STK35: variants seen among roughly 807,000 people sequenced by gnomAD.
STK35 encodes the protein serine/threonine kinase 35, also known as serine/threonine-protein kinase 35.
In STK35, 17 loss-of-function variants were observed where a neutral mutation model predicts 37.3. That is an observed-to-expected ratio of 0.46 (90% CI 0.31 to 0.68). The LOEUF (loss-of-function observed/expected upper bound fraction) is 0.68, where lower values mean the gene tolerates loss of function less well. STK35 is among the 30% of genes least tolerant of loss of function. The probability of loss-of-function intolerance (pLI) is 0.05; values close to 1 mark genes in which losing one functional copy is unlikely to be tolerated. For synonymous variants in STK35, 385 were observed against 319.1 expected (o/e 1.21, Z -2.20); for missense variants, 595 against 746.7 (o/e 0.80, Z 2.37).
At chr20:2,140,673 T>A (rs1386912002) in intron 3 of STK35, among the ~76,000 whole-genome samples, 1 of 152,228 alleles carries the variant, frequency 6.6e-6, no homozygotes, top group Admixed American at 6.5e-5. Context: ...TAGGCTGTTC[T>A]GAGGCTTCCA....
Position 2,103,019 on chromosome 20 carries a change from C to T in STK35, c.546C>T (p.Gly182=). ...ATCCGGTGGCGGCCGAGGCCCCGGG[C>T]GAGGCCTTCCTGGCGCGGCGACGGC... ...AMDPVAAEAP[G]EAFLARRRPE... Residue 182 remains glycine, a synonymous_variant, in exon 2 of 4, where the codon GGC becomes GGT. Coordinates refer to ENST00000381482, the MANE Select transcript of STK35 (RefSeq NM_080836.4). 2 of 1,450,328 alleles carry T rather than the reference C, an allele frequency of 1.4e-6. No homozygotes were observed. The highest frequency in any genetic ancestry group is 2.8e-5 in the South Asian group (2 of 71,250). The allele number at this position is 1,450,328 out of a possible 1,614,324, so 89.8% of individuals were successfully genotyped here. A position where few individuals can be genotyped will look rare whatever the true frequency, so the allele number is the denominator to read the frequency against.
chr20:2,118,632 C>T (rs1985762957), intron 3 of STK35, among the ~76,000 whole-genome samples: 1 of 152,198 alleles, frequency 6.6e-6, no homozygotes, highest in Non-Finnish European at 1.5e-5. Flanking sequence ...TACAGTCATG[C>T]TCCGCATGAA....
Position 2,102,538 on chromosome 20 carries a change from CAG to C in STK35, c.295-223_295-222del, listed in dbSNP as rs540261231. On this transcript the variant is annotated intron_variant, in intron 1 of 3. Coordinates refer to ENST00000381482, the MANE Select transcript of STK35 (RefSeq NM_080836.4). ...TTCCTATCGCTACATGACAAGCTAA[CAG>C]AGAGAGCGGAGAGTTTGTGCTTTTC... Among the ~76,000 whole-genome samples the C allele has an allele frequency of 5.2e-4, 79 of 152,360 alleles. No individual in the cohort carries two copies. In the Middle Eastern group the frequency reaches 0.01, roughly 20 times the overall value.
chr20:2,126,513 GGT>G (rs1985909420), intron 3 of STK35, among the ~76,000 whole-genome samples: 1 of 152,268 alleles, frequency 6.6e-6, no homozygotes, highest in South Asian at 2.1e-4. Context: ...AGGAGGAAAG[GGT>G]ACTACTGTTC....
chr20:2,126,256 T>C (rs1985904326), intron 3 of STK35, among the ~76,000 whole-genome samples: 1 of 152,226 alleles, frequency 6.6e-6, no homozygotes, highest in South Asian at 2.1e-4. Context: ...ATTGATTGTT[T>C]AGACCCCAAT....
At position 2,117,525 on chromosome 20, in the gene STK35, A is replaced by C. The variant is rs1237985775; in HGVS notation, c.*37+110A>C. 5.1e-6 allele frequency: 3 copies of C among 583,752 alleles called. No individual in the cohort carries two copies. The highest frequency in any genetic ancestry group is 8.7e-6 in the Non-Finnish European group (3 of 343,042). The allele number at this position is 583,752 out of a possible 1,614,324, so 36.2% of individuals were successfully genotyped here. A position where few individuals can be genotyped will look rare whatever the true frequency, so the allele number is the denominator to read the frequency against. On this transcript the variant is annotated intron_variant, in intron 3 of 3. Transcript: ENST00000381482. The surrounding 1 kb of genome is among the most constrained non-coding windows in gnomAD (Gnocchi z 4.4). ...AGTGGCAGGATCTCAGCTCACTGCA[A>C]CCTCCACCTCCCGAGTTCAAGTGAT...
intron 1 of STK35, 141 bp from the exon 2 acceptor site, chr20:2,102,627 T>TC (rs1440071384): frequency 8.2e-6 from 6 of 728,660 alleles, no homozygotes; most frequent in Non-Finnish European, 1.2e-5. Context: ...TCCCCTCCCC[T>TC]CCCCCGTTCA....
chr20:2,136,425 G>A (rs750377876), intron 3 of STK35, among the ~76,000 whole-genome samples: 6 of 152,308 alleles, frequency 3.9e-5, no homozygotes, highest in Non-Finnish European at 5.9e-5. Flanking sequence ...ATGGGCTTCC[G>A]ACTTGGACAC....
chr20:2,109,477 T>G (rs890140836), intron 2 of STK35, among the ~76,000 whole-genome samples: 1 of 152,368 alleles, frequency 6.6e-6, no homozygotes, highest in Non-Finnish European at 1.5e-5. Flanking sequence ...ATCACCACTG[T>G]AAAGTTGGTG....
chr20:2,124,476 G>A (rs564874713), intron 3 of STK35, among the ~76,000 whole-genome samples: 6 of 152,284 alleles, frequency 3.9e-5, no homozygotes, highest in African/African-American at 1.4e-4. Context: ...GCTGTACCCC[G>A]AAGTGGGTAA....
At chr20:2,118,536 C>G (rs575418758) in intron 3 of STK35, among the ~76,000 whole-genome samples, 45 of 151,862 alleles carry the variant, frequency 3.0e-4, no homozygotes, top group African/African-American at 9.9e-4. Flanking sequence ...GAGCTGAGAT[C>G]GTGCCACTGC....
intron 3 of STK35, among the ~76,000 whole-genome samples, chr20:2,140,278 T>C (rs1986152450): frequency 6.6e-6 from 1 of 151,548 alleles, no homozygotes; most frequent in Non-Finnish European, 1.5e-5. Context: ...AGAGCCCCGG[T>C]AGAAGCTGGT....
intron 3 of STK35, among the ~76,000 whole-genome samples, chr20:2,135,260 G>A (rs1986067282): frequency 6.6e-6 from 1 of 152,192 alleles, no homozygotes; most frequent in Admixed American, 6.5e-5. Context: ...CGTGGGACTG[G>A]CTTCCTCTGG....
In STK35 at chr20:2,147,160, G is replaced by A. The variant is rs761389307; in HGVS notation, c.*3414G>A. The A allele has an allele frequency of 2.0e-5, 3 of 152,822 alleles. No homozygotes were observed. Among genetic ancestry groups the A allele is most frequent in the East Asian group, 3.9e-4 (2 of 5,194 alleles). 9.5% of individuals were successfully genotyped at this position (152,822 alleles called of 1,614,324 possible). On this transcript the variant is annotated 3_prime_UTR_variant, in exon 4 of 4. Coordinates refer to ENST00000381482, the MANE Select transcript of STK35 (RefSeq NM_080836.4). ...TGGCACTGCCGGGGGGCCCCAGAGC[G>A]AATGAGGGCAGAGATGCCCGGGGCA...
chr20:2,138,143 A>G (rs1986116646), intron 3 of STK35, among the ~76,000 whole-genome samples: 1 of 152,194 alleles, frequency 6.6e-6, no homozygotes, highest in East Asian at 1.9e-4. Flanking sequence ...ACTGCGGGTG[A>G]ATTTAGGTAG....
chr20:2,126,711 T>G (rs1019040337), intron 3 of STK35, among the ~76,000 whole-genome samples: 2 of 152,192 alleles, frequency 1.3e-5, no homozygotes, highest in Non-Finnish European at 2.9e-5. Context: ...TTTCTAGGAT[T>G]CAGAGGCATG....
In STK35 at chr20:2,147,433, T is replaced by G. The variant is rs1986290491; in HGVS notation, c.*3687T>G. Reference sequence around the variant, plus strand: ...GAGCTGGCATTGTGGGAATTTTCTTTTTATGCTGTTAGCTGTTTACCTTCT... The same window carrying G: ...GAGCTGGCATTGTGGGAATTTTCTTGTTATGCTGTTAGCTGTTTACCTTCT... On this transcript the variant is annotated 3_prime_UTR_variant, in exon 4 of 4. Transcript: ENST00000381482. 1 of 152,626 alleles carries G rather than the reference T, an allele frequency of 6.6e-6. No homozygotes were observed. The highest frequency in any genetic ancestry group is 2.4e-5 in the African/African-American group (1 of 41,454). 9.5% of individuals were successfully genotyped at this position (152,626 alleles called of 1,614,324 possible).
chr20:2,121,787 A>G lies in STK35; in HGVS notation c.*37+4372A>G, dbSNP rs1600608980. ...CAGCCGTGGCATCATCTGCTAGTTG[A>G]TTGAGAGGACTTGATCATTGGATTT... On this transcript the variant is annotated intron_variant, in intron 3 of 3. Coordinates refer to ENST00000381482, the MANE Select transcript of STK35 (RefSeq NM_080836.4). Among the ~76,000 whole-genome samples the G allele has an allele frequency of 2.6e-5, 4 of 152,278 alleles. 1 individual carries two copies. The highest frequency in any genetic ancestry group is 2.6e-4 in the Admixed American group (4 of 15,298).
intron 3 of STK35, among the ~76,000 whole-genome samples, chr20:2,124,670 G>A (rs1158670829): frequency 6.6e-6 from 1 of 152,164 alleles, no homozygotes; most frequent in Non-Finnish European, 1.5e-5. Flanking sequence ...CACAAGAGGT[G>A]GGGGTTATGA....
Sources: allele counts gnomAD v4.1 joint callset (sites outside exome capture counted in the v4.1 genomes callset), GRCh38; gene constraint gnomAD v4.1.1; non-coding constraint Gnocchi (gnomAD v3.1); transcripts MANE v1.5; gene names NCBI Gene and HGNC (gene_info 2026-07-23, HGNC 2026-07-21).